The following CSMD1 variants were observed in gnomAD, a reference collection of about 807,000 sequenced individuals.
CSMD1 encodes CUB and sushi domain-containing protein 1.
Under a neutral mutation model 417.5 loss-of-function variants are expected in CSMD1, and 213 were observed. The ratio of observed to expected loss-of-function variants is 0.51; its 90% CI spans 0.46 to 0.57. The LOEUF (loss-of-function observed/expected upper bound fraction) is 0.57, where lower values mean the gene tolerates loss of function less well. Among genes scored for constraint, CSMD1 ranks in the 20% least tolerant of loss-of-function variants. CSMD1 has a pLI of 0.00. For missense variants in CSMD1, 6,923 were observed against 4,529.7 expected, an observed-to-expected ratio of 1.53 and a Z score of -15.17; for synonymous variants, 2,862 against 1,736.8, an observed-to-expected ratio of 1.65 and a Z score of -16.11.
chr8:3,454,569 A>T (rs149639503), intron 12 of CSMD1, among the ~76,000 whole-genome samples: 111 of 152,248 alleles, frequency 7.3e-4, no homozygotes, highest in African/African-American at 2.6e-3. Context: ...CCTTCACTTA[A>T]GAAACTTAGT....
chr8:4,166,248 A>G (rs1797449705), intron 3 of CSMD1, among the ~76,000 whole-genome samples: 1 of 152,228 alleles, frequency 6.6e-6, no homozygotes, highest in Non-Finnish European at 1.5e-5. Context: ...TTATCATATC[A>G]ATATGCATTT....
chr8:3,294,761 C>T (rs556434865), intron 25 of CSMD1, among the ~76,000 whole-genome samples: 2 of 152,312 alleles, frequency 1.3e-5, no homozygotes, highest in East Asian at 1.9e-4. Context: ...TCCCTGACCC[C>T]TTGCACTTCC....
intron 5 of CSMD1, among the ~76,000 whole-genome samples, chr8:3,974,853 A>G (rs1813324545): frequency 6.6e-6 from 1 of 152,158 alleles, no homozygotes; most frequent in African/African-American, 2.4e-5. Context: ...AGTAAGATAT[A>G]AAATCAGGTG....
chr8:3,265,317 C>T (rs1230742659), intron 26 of CSMD1, among the ~76,000 whole-genome samples: 4 of 152,230 alleles, frequency 2.6e-5, no homozygotes, highest in East Asian at 1.9e-4. Flanking sequence ...GAAATCAGTG[C>T]GAAGTATGTA....
chr8:4,935,251 C>T (rs1215474552), intron 1 of CSMD1, among the ~76,000 whole-genome samples: 12 of 152,214 alleles, frequency 7.9e-5, no homozygotes, highest in Non-Finnish European at 1.5e-4. Context: ...CCACACCTTT[C>T]TTCTTCAGTT....
intron 1 of CSMD1, among the ~76,000 whole-genome samples, chr8:4,695,951 G>C (rs1807099710): frequency 6.6e-6 from 1 of 152,190 alleles, no homozygotes; most frequent in Non-Finnish European, 1.5e-5. Context: ...AAAGCCGGCT[G>C]TGGTTAGAGA....
At chr8:4,306,861 C>G (rs1798276682) in intron 3 of CSMD1, among the ~76,000 whole-genome samples, 2 of 151,654 alleles carry the variant, frequency 1.3e-5, no homozygotes, top group African/African-American at 2.4e-5. Flanking sequence ...ATTTTTCAAT[C>G]TCTTTTTGCA....
At chr8:3,251,029 T>C (rs1222535196) in intron 26 of CSMD1, among the ~76,000 whole-genome samples, 1 of 152,200 alleles carries the variant, frequency 6.6e-6, no homozygotes, top group Non-Finnish European at 1.5e-5. Context: ...TTCACTCTGA[T>C]GGTAGTTTCT....
chr8:4,245,435 G>C (rs1004160496), intron 3 of CSMD1, among the ~76,000 whole-genome samples: 4 of 152,148 alleles, frequency 2.6e-5, no homozygotes, highest in Non-Finnish European at 4.4e-5. Flanking sequence ...AGGCAGGTTA[G>C]GTGGTGCTCA....
chr8:4,363,423 T>C (rs1243124243), intron 3 of CSMD1, among the ~76,000 whole-genome samples: 1 of 152,210 alleles, frequency 6.6e-6, no homozygotes, highest in Non-Finnish European at 1.5e-5. Context: ...TCCAGGATTT[T>C]ATTCCTGCTC....
rs376330835 is a variant in CSMD1 at position 3,988,026 on chromosome 8, C to A, written c.818+9877G>T. Among the ~76,000 whole-genome samples, 33 of 152,320 alleles carry A rather than the reference C, an allele frequency of 2.2e-4. 1 individual carries two copies. In the South Asian group the frequency reaches 6.4e-3, roughly 30 times the overall value. Reference sequence around the variant, plus strand: ...GCTCAAAATGATTTTACTTTCAACACACAGCTATTAATAGATTTGGAAACA... The same window carrying A: ...GCTCAAAATGATTTTACTTTCAACAAACAGCTATTAATAGATTTGGAAACA... On this transcript the variant is annotated intron_variant, in intron 5 of 69. Transcript: ENST00000635120.
chr8:3,617,589 G>A (rs1367856512), intron 7 of CSMD1, among the ~76,000 whole-genome samples: 1 of 152,162 alleles, frequency 6.6e-6, no homozygotes, highest in Non-Finnish European at 1.5e-5. Flanking sequence ...CTAATAAAGT[G>A]CATATCTATT....
intron 49 of CSMD1, among the ~76,000 whole-genome samples, chr8:3,072,771 C>T (rs184713549): frequency 2.0e-5 from 3 of 152,084 alleles, no homozygotes; most frequent in African/African-American, 4.8e-5. Flanking sequence ...TGCATAGCAT[C>T]GTATTGGTTA....
intron 10 of CSMD1, among the ~76,000 whole-genome samples, chr8:3,558,530 A>G (rs543797232): frequency 6.7e-6 from 1 of 149,278 alleles, no homozygotes; most frequent in South Asian, 2.1e-4. Context: ...CGACTCCTCC[A>G]ACGATGAACG....
Position 3,375,880 on chromosome 8 carries a change from C to T in CSMD1, c.2783-6510G>A, listed in dbSNP as rs540733592. 3.3e-5 allele frequency among the ~76,000 whole-genome samples: 5 copies of T among 152,212 alleles called. No individual in the cohort carries two copies. In the South Asian group the frequency reaches 8.3e-4, roughly 25 times the overall value. Reference sequence around the variant, plus strand: ...CCAGACCTCTTTTTTTCTCTTTGCACCTCAGTTTATAACCATTTCTTCACG... The same window carrying T: ...CCAGACCTCTTTTTTTCTCTTTGCATCTCAGTTTATAACCATTTCTTCACG... On this transcript the variant is annotated intron_variant, in intron 18 of 69. Transcript: ENST00000635120.
At chr8:4,372,998 G>T (rs1802490639) in intron 3 of CSMD1, among the ~76,000 whole-genome samples, 1 of 152,210 alleles carries the variant, frequency 6.6e-6, no homozygotes, top group African/African-American at 2.4e-5. Context: ...ACACTGGACA[G>T]CCCTCAGCTA....
At chr8:3,685,617 G>C (rs1799907568) in intron 7 of CSMD1, among the ~76,000 whole-genome samples, 1 of 152,140 alleles carries the variant, frequency 6.6e-6, no homozygotes, top group Non-Finnish European at 1.5e-5. Context: ...GTGATCTGGT[G>C]AGTTTCATTT....
intron 49 of CSMD1, among the ~76,000 whole-genome samples, chr8:3,083,683 T>G (rs35597727): frequency 9.2e-6 from 1 of 108,628 alleles, no homozygotes. Flanking sequence ...TTTTTTTTGG[T>G]CTCATTCTGT....
At chr8:4,001,849 G>C (rs1050225221) in intron 4 of CSMD1, among the ~76,000 whole-genome samples, 1 of 151,154 alleles carries the variant, frequency 6.6e-6, no homozygotes, top group African/African-American at 2.4e-5. Context: ...AGGCAAAATA[G>C]AAAAGTCAAA....
Sources: allele counts gnomAD v4.1 joint callset (sites outside exome capture counted in the v4.1 genomes callset), GRCh38; gene constraint gnomAD v4.1.1; transcripts MANE v1.5; gene names NCBI Gene and HGNC (gene_info 2026-07-23, HGNC 2026-07-21).